Variants in SLC22A24 observed in about 807,000 individuals in gnomAD.
SLC22A24 encodes solute carrier family 22 member 24, also known as steroid transmembrane transporter SLC22A24.
In SLC22A24, 53 loss-of-function variants were observed where a neutral mutation model predicts 49.8. The ratio of observed to expected loss-of-function variants is 1.06; its 90% CI spans 0.85 to 1.34. The LOEUF (loss-of-function observed/expected upper bound fraction) is 1.34, where lower values mean the gene tolerates loss of function less well. Ranked by LOEUF, SLC22A24 falls within the 40% of genes most tolerant of loss-of-function variation. SLC22A24 has a pLI of 0.00. For synonymous variants in SLC22A24, 302 were observed against 256.4 expected (o/e 1.18, Z -1.70); for missense variants, 786 against 675.9 (o/e 1.16, Z -1.81).
chr11:63,103,953 CCAAT>C (rs1209959363), intron 5 of SLC22A24, among the ~76,000 whole-genome samples: 3 of 151,910 alleles, frequency 2.0e-5, no homozygotes, highest in African/African-American at 4.8e-5. Flanking sequence ...TGAAAATTTC[CCAAT>C]CAATTTAATT....
intron 9 of SLC22A24, among the ~76,000 whole-genome samples, chr11:63,080,204 T>C (rs756831564): frequency 6.6e-6 from 1 of 152,214 alleles, no homozygotes; most frequent in Non-Finnish European, 1.5e-5. Context: ...GTGTTGAATA[T>C]TGATACTCTC....
At chr11:63,137,908 G>T (rs1250237950) in intron 1 of SLC22A24, 7 of 152,146 alleles carry the variant, frequency 4.6e-5, no homozygotes, top group Non-Finnish European at 1.0e-4. Flanking sequence ...CAAGTTTCTG[G>T]TCTCTCTCTG....
intron 1 of SLC22A24, among the ~76,000 whole-genome samples, chr11:63,135,801 G>A (rs1326796779): frequency 1.3e-5 from 2 of 152,200 alleles, no homozygotes; most frequent in African/African-American, 4.8e-5. Flanking sequence ...CAATGCATTT[G>A]ACCCAGAAAC....
intron 6 of SLC22A24, among the ~76,000 whole-genome samples, chr11:63,085,576 A>G (rs971681466): frequency 6.6e-6 from 1 of 152,214 alleles, no homozygotes; most frequent in African/African-American, 2.4e-5. Context: ...GACTGAAATG[A>G]TAATTTATGG....
intron 2 of SLC22A24, among the ~76,000 whole-genome samples, chr11:63,132,155 CT>C (rs1205570641): frequency 1.3e-5 from 2 of 152,206 alleles, no homozygotes; most frequent in Admixed American, 1.3e-4. Flanking sequence ...CTTTTCTACA[CT>C]GTTTATTTTA....
chr11:63,113,852 T>TC (rs1414879400), intron 4 of SLC22A24, among the ~76,000 whole-genome samples: 1 of 98,290 alleles, frequency 1.0e-5, no homozygotes, highest in Non-Finnish European at 2.1e-5. Flanking sequence ...AGACTCCATC[T>TC]CAAAAAAAAA....
intron 3 of SLC22A24, 35 bp from the exon 4 acceptor site, chr11:63,119,115 A>G (rs528264559): frequency 2.6e-6 from 4 of 1,527,594 alleles, no homozygotes; most frequent in African/African-American, 2.8e-5. Flanking sequence ...ATAATTTTAG[A>G]CAAATGGTAA....
chr11:63,134,841 C>T, intron 1 of SLC22A24, 73 bp from the exon 2 acceptor site: 1 of 1,022,144 alleles, frequency 9.8e-7, no homozygotes, highest in Non-Finnish European at 1.5e-6. Context: ...TGACTCCAAA[C>T]TCCTACATAT....
At chr11:63,120,637 A>C (rs2087245303) in intron 2 of SLC22A24, among the ~76,000 whole-genome samples, 1 of 151,994 alleles carries the variant, frequency 6.6e-6, no homozygotes, top group African/African-American at 2.4e-5. Context: ...AAGGGCAGGC[A>C]CCCTTTCTAG....
intron 6 of SLC22A24, among the ~76,000 whole-genome samples, chr11:63,086,810 A>G (rs146980986): frequency 1.3e-5 from 2 of 152,228 alleles, no homozygotes; most frequent in African/African-American, 4.8e-5. Flanking sequence ...TGAATATGCT[A>G]ATTTGTCTCA....
intron 2 of SLC22A24, among the ~76,000 whole-genome samples, chr11:63,127,173 C>T (rs1374584974): frequency 6.6e-6 from 1 of 152,154 alleles, no homozygotes; most frequent in African/African-American, 2.4e-5. Flanking sequence ...GTTCCCCACC[C>T]TGTTTCCATG....
rs1415523529 is a variant in SLC22A24 at position 63,083,286 on chromosome 11, G to C, written c.1242C>G (p.Phe414Leu). The C allele has an allele frequency of 6.4e-7, 1 of 1,561,356 alleles. No homozygotes were observed. The highest frequency in any genetic ancestry group is 1.4e-5 in the African/African-American group (1 of 73,724). ...GRRISQILFT[F>L]PVGLFILVNT... is the part of the protein sequence containing the mutation. ...TGACCAGAATGAAAAGTCCCACCGGGAACGTGAACAATATCTGGCTTATTC... is the reference window on the plus strand; with the variant it reads ...TGACCAGAATGAAAAGTCCCACCGGCAACGTGAACAATATCTGGCTTATTC... Residue 414 changes from phenylalanine to leucine, a missense_variant, in exon 7 of 10, where the codon TTC (phenylalanine) becomes TTG (leucine). By Grantham distance (22) the Phe-to-Leu change is conservative. Coordinates refer to ENST00000612278, the MANE Select transcript of SLC22A24 (RefSeq NM_001136506.2).
At chr11:63,143,305 G>A in intron 1 of SLC22A24, 73 bp downstream of exon 1, 1 of 1,318,436 alleles carries the variant, frequency 7.6e-7, no homozygotes, top group East Asian at 2.8e-5. Context: ...AAGGTATAAA[G>A]CAAGTCAATT....
intron 4 of SLC22A24, among the ~76,000 whole-genome samples, chr11:63,116,609 A>G (rs1258590793): frequency 6.6e-6 from 1 of 151,900 alleles, no homozygotes; most frequent in Admixed American, 6.6e-5. Flanking sequence ...CAGTTTTTGA[A>G]TTTCTTGGGT....
At chr11:63,101,160 G>C (rs570712953) in intron 5 of SLC22A24, among the ~76,000 whole-genome samples, 1 of 152,136 alleles carries the variant, frequency 6.6e-6, no homozygotes, top group Non-Finnish European at 1.5e-5. Flanking sequence ...TCTGACAAGG[G>C]ATTAATAACC....
rs1296302910 is a variant in SLC22A24, at chr11:63,081,123, C to A, written c.1395G>T (p.Arg465Ser). Residue 465 changes from arginine (R) to serine (S), a missense_variant and splice_region_variant, in exon 9 of 10, where the codon AGG becomes AGT. Arg to Ser is a moderately radical substitution (Grantham distance 110). Transcript: ENST00000612278. ...HHNELVPTIL[R>S]STVAGINAVS... The stretch of plus-strand genomic sequence containing the variant: ...CTGCATTGATTCCTGCAACTGTTGA[C>A]CTTAGAGTGCAAATAACAATACAAA... The A allele has an allele frequency of 1.9e-6, 3 of 1,550,964 alleles. No individual in the cohort carries two copies. The East Asian group carries it at 7.3e-5, about 38-fold the overall frequency.
intron 4 of SLC22A24, among the ~76,000 whole-genome samples, chr11:63,110,192 G>A (rs2134657403): frequency 6.6e-6 from 1 of 151,344 alleles, no homozygotes; most frequent in Non-Finnish European, 1.5e-5. Context: ...GCTCTGTTCT[G>A]TTCCATTGAT....
At chr11:63,090,663 C>CAATAAGTAAATAAATA (rs2087014661) in intron 6 of SLC22A24, among the ~76,000 whole-genome samples, 1 of 137,992 alleles carries the variant, frequency 7.2e-6, no homozygotes, top group Admixed American at 7.4e-5. Flanking sequence ...ACTTAAAGTA[C>CAATAAGTAAATAAATA]AATAAATAAA....
chr11:63,104,996 G>T (rs956733536), intron 4 of SLC22A24, among the ~76,000 whole-genome samples: 3 of 152,186 alleles, frequency 2.0e-5, no homozygotes, highest in Non-Finnish European at 4.4e-5. Flanking sequence ...TACAATGGGG[G>T]TATAGCAGTG....
Sources: allele counts gnomAD v4.1 joint callset (sites outside exome capture counted in the v4.1 genomes callset), GRCh38; gene constraint gnomAD v4.1.1; transcripts MANE v1.5; gene names NCBI Gene and HGNC (gene_info 2026-07-23, HGNC 2026-07-21).